The following NFIB variants were observed in gnomAD, a reference collection of about 807,000 sequenced individuals.
The protein encoded by NFIB is nuclear factor 1 B-type.
Under a neutral mutation model 61.5 loss-of-function variants are expected in NFIB, and 11 were observed. That is an observed-to-expected ratio of 0.18 (90% CI 0.11 to 0.30). The LOEUF (loss-of-function observed/expected upper bound fraction) is 0.30. Among genes scored for constraint, NFIB ranks in the 10% least tolerant of loss-of-function variants. The pLI, the probability that NFIB is intolerant of heterozygous loss-of-function variation, is 1.00. For synonymous variants in NFIB, 260 were observed against 216.5 expected (o/e 1.20, Z -1.76); for missense variants, 471 against 608.9 (o/e 0.77, Z 2.38).
chr9:14,372,121 T>C (rs2061365104), intron 1 of NFIB, among the ~76,000 whole-genome samples: 1 of 151,912 alleles, frequency 6.6e-6, no homozygotes, highest in Non-Finnish European at 1.5e-5. Context: ...GTTTTTTTTT[T>C]CAAAGTGGAG....
At chr9:14,225,146 T>A (rs2052205278) in intron 2 of NFIB, among the ~76,000 whole-genome samples, 1 of 152,122 alleles carries the variant, frequency 6.6e-6, no homozygotes, top group Non-Finnish European at 1.5e-5. Flanking sequence ...ATTCCAGATA[T>A]AAGTGAGAAC....
chr9:14,167,007 G>A (rs749741160), intron 3 of NFIB, among the ~76,000 whole-genome samples: 7 of 143,728 alleles, frequency 4.9e-5, no homozygotes, highest in African/African-American at 5.1e-5. Flanking sequence ...ATATGTCCTC[G>A]TGGTTCTTGA....
At chr9:14,227,857 A>G (rs1284654064) in intron 2 of NFIB, among the ~76,000 whole-genome samples, 1 of 152,194 alleles carries the variant, frequency 6.6e-6, no homozygotes, top group Non-Finnish European at 1.5e-5. Flanking sequence ...GAACCTCTGG[A>G]GTCTAAGCTC....
At chr9:14,497,072 C>A in the NFIB span, among the ~76,000 whole-genome samples, 1 of 152,180 alleles carries the variant, frequency 6.6e-6, no homozygotes, top group African/African-American at 2.4e-5. Context: ...GTCACGAGAA[C>A]CTGCCTGTGA....
intron 1 of NFIB, among the ~76,000 whole-genome samples, chr9:14,377,570 T>C (rs1334643266): frequency 1.3e-5 from 2 of 152,220 alleles, no homozygotes; most frequent in Non-Finnish European, 1.5e-5. Flanking sequence ...GAAAAGACTC[T>C]GTTAAAGTAG....
At chr9:14,387,063 A>C (rs1341449312) in intron 1 of NFIB, among the ~76,000 whole-genome samples, 1 of 152,368 alleles carries the variant, frequency 6.6e-6, no homozygotes, top group South Asian at 2.1e-4. Context: ...AACTTTGGGA[A>C]ATGGTGTGAG....
intron 1 of NFIB, among the ~76,000 whole-genome samples, chr9:14,326,293 A>C (rs2060750997): frequency 6.6e-6 from 1 of 152,236 alleles, no homozygotes; most frequent in Admixed American, 6.5e-5. Flanking sequence ...CCTACAAGAC[A>C]TAGTCGCCCA....
chr9:14,511,195 A>G, the NFIB span, among the ~76,000 whole-genome samples: 1 of 152,178 alleles, frequency 6.6e-6, no homozygotes. Context: ...AATTTTATAG[A>G]AGAAAAAAGT....
At chr9:14,412,041 G>C in the NFIB span, among the ~76,000 whole-genome samples, 1 of 152,204 alleles carries the variant, frequency 6.6e-6, no homozygotes, top group Non-Finnish European at 1.5e-5. Flanking sequence ...TGCAGCCCTG[G>C]CTGACACCTT....
chr9:14,161,800 T>C (rs1323246827), intron 3 of NFIB, among the ~76,000 whole-genome samples: 2 of 152,154 alleles, frequency 1.3e-5, no homozygotes, highest in African/African-American at 4.8e-5. Context: ...TTCCCAGAAT[T>C]AGAATTACAG....
chr9:14,507,993 CATAT>C, the NFIB span, among the ~76,000 whole-genome samples: 54 of 147,982 alleles, frequency 3.6e-4, no homozygotes, highest in South Asian at 1.1e-3. Context: ...CACACACACA[CATAT>C]ATATATATAT....
chr9:14,287,844 C>T (rs564794183), intron 2 of NFIB, among the ~76,000 whole-genome samples: 6 of 152,066 alleles, frequency 3.9e-5, no homozygotes, highest in Non-Finnish European at 8.8e-5. Flanking sequence ...TTGGGTGTGT[C>T]ACTAGATCAG....
At chr9:14,529,460 G>A in the NFIB span, among the ~76,000 whole-genome samples, 2 of 152,098 alleles carry the variant, frequency 1.3e-5, no homozygotes, top group Non-Finnish European at 2.9e-5. Context: ...CACGGTGAGA[G>A]AAGAATCACA....
chr9:14,129,183 G>C (rs1368293884), intron 6 of NFIB, among the ~76,000 whole-genome samples: 1 of 152,082 alleles, frequency 6.6e-6, no homozygotes, highest in Non-Finnish European at 1.5e-5. Context: ...GTAAACATAA[G>C]AATGGGAAGG....
At chr9:14,242,503 A>G (rs1475516848) in intron 2 of NFIB, among the ~76,000 whole-genome samples, 1 of 152,206 alleles carries the variant, frequency 6.6e-6, no homozygotes, top group Non-Finnish European at 1.5e-5. Flanking sequence ...GTGAAAGCCA[A>G]GTTTTACTTT....
intron 1 of NFIB, among the ~76,000 whole-genome samples, chr9:14,380,567 G>C (rs632689): frequency 2.0e-5 from 3 of 152,144 alleles, no homozygotes; most frequent in Admixed American, 1.3e-4. Context: ...GAAATGATTA[G>C]AGCAAGCTCT....
At chr9:14,294,623 T>C (rs2059306194) in intron 2 of NFIB, among the ~76,000 whole-genome samples, 1 of 152,204 alleles carries the variant, frequency 6.6e-6, no homozygotes, top group Non-Finnish European at 1.5e-5. Flanking sequence ...TATTAAAAAT[T>C]ATGTGCCAGA....
At chr9:14,374,793 C>G (rs939079760) in intron 1 of NFIB, among the ~76,000 whole-genome samples, 1 of 152,010 alleles carries the variant, frequency 6.6e-6, no homozygotes, top group Non-Finnish European at 1.5e-5. Context: ...GCTTGTAGAT[C>G]CAGTTACTCA....
At chr9:14,360,548 CTTTTTTTT>C (rs545386396) in intron 1 of NFIB, among the ~76,000 whole-genome samples, 54 of 140,540 alleles carry the variant, frequency 3.8e-4, no homozygotes, top group African/African-American at 1.4e-3. Context: ...CTGTTTTTTT[CTTTTTTTT>C]TTTTTTGAGA....
Sources: allele counts gnomAD v4.1 joint callset (sites outside exome capture counted in the v4.1 genomes callset), GRCh38; gene constraint gnomAD v4.1.1; transcripts MANE v1.5; gene names NCBI Gene and HGNC (gene_info 2026-07-23, HGNC 2026-07-21).